STK3: variants seen among roughly 807,000 people sequenced by gnomAD.
The protein encoded by STK3 is serine/threonine-protein kinase 3.
STK3 carries 41 observed loss-of-function variants against 58.0 expected under a neutral mutation model. That is an observed-to-expected ratio of 0.71 (90% confidence interval 0.55 to 0.92). The LOEUF (loss-of-function observed/expected upper bound fraction) is 0.92, where lower values mean the gene tolerates loss of function less well. STK3 is among the 40% of genes least tolerant of loss of function. The probability of loss-of-function intolerance (pLI) is 0.00; values close to 1 mark genes in which losing one functional copy is unlikely to be tolerated. For missense variants in STK3, 479 were observed against 602.7 expected (o/e 0.79, Z 2.15); for synonymous variants, 170 against 191.0 (o/e 0.89, Z 0.91).
In STK3 at chr8:98,610,321, T is replaced by C. The variant is rs150952926; in HGVS notation, c.685-14152A>G. Among the ~76,000 whole-genome samples, 1,403 of 152,310 alleles carry C rather than the reference T, an allele frequency of 9.2e-3. 18 individuals carry two copies. Among genetic ancestry groups the C allele is most frequent in the African/African-American group, 0.032 (1,326 of 41,562 alleles). On this transcript the variant is annotated intron_variant, in intron 6 of 10. Coordinates refer to ENST00000419617, the MANE Select transcript of STK3 (RefSeq NM_006281.4). ...ATAAATTAATACTAGTCATTAGCAG[T>C]TTTTGTATCATCTGGTAAAAGAGTT...
At chr8:98,456,106 T>G in intron 10 of STK3, 106 bp from the exon 11 acceptor site, 1 of 1,123,978 alleles carries the variant, frequency 8.9e-7, no homozygotes, top group South Asian at 1.7e-5. Flanking sequence ...ACATAAATAT[T>G]TCAGCAAATT....
At chr8:98,893,207 G>T (rs1465430907) in intron 1 of STK3, among the ~76,000 whole-genome samples, 1 of 151,770 alleles carries the variant, frequency 6.6e-6, no homozygotes, top group Non-Finnish European at 1.5e-5. Flanking sequence ...TGGCCAAAAT[G>T]ATGAAACCCT....
intron 6 of STK3, among the ~76,000 whole-genome samples, chr8:98,700,611 T>C (rs1825502926): frequency 6.6e-6 from 1 of 152,232 alleles, no homozygotes. Flanking sequence ...TGCCTCCAAT[T>C]ATCTCCTTAA....
chr8:98,352,489 C>T, the STK3 span, among the ~76,000 whole-genome samples: 69,556 of 151,914 alleles, frequency 0.46, 16,512 homozygotes, highest in African/African-American at 0.58. Context: ...AAGTGAATGA[C>T]GATGGCATTG....
At chr8:98,401,690 C>G in intron 3 of STK3, among the ~76,000 whole-genome samples, 1 of 152,252 alleles carries the variant, frequency 6.6e-6, no homozygotes, top group Middle Eastern at 3.4e-3. Context: ...ATTATGTTGC[C>G]GACCACATGG....
chr8:98,738,502 A>G (rs941745646), intron 4 of STK3, among the ~76,000 whole-genome samples: 30 of 152,040 alleles, frequency 2.0e-4, no homozygotes, highest in African/African-American at 7.2e-4. Context: ...AAATAAATAA[A>G]TAAATAAAAC....
At chr8:98,788,579 A>G (rs1219625771) in intron 1 of STK3, among the ~76,000 whole-genome samples, 2 of 152,228 alleles carry the variant, frequency 1.3e-5, no homozygotes, top group Non-Finnish European at 2.9e-5. Context: ...AAAGGGGTGG[A>G]AAAAGACATT....
At chr8:98,366,483 G>A (rs1031033976), downstream of STK3, among the ~76,000 whole-genome samples, 2 of 152,042 alleles carry the variant, frequency 1.3e-5, no homozygotes, top group African/African-American at 4.8e-5. Flanking sequence ...ACATTCTCTT[G>A]AGCATTTAGG....
At chr8:98,741,313 C>CA (rs1488592098) in intron 4 of STK3, among the ~76,000 whole-genome samples, 3 of 152,178 alleles carry the variant, frequency 2.0e-5, no homozygotes, top group Admixed American at 6.5e-5. Flanking sequence ...CACCACACCA[C>CA]ACCTGTTCCA....
chr8:98,777,227 T>C (rs985757256), intron 1 of STK3, among the ~76,000 whole-genome samples: 6 of 151,860 alleles, frequency 4.0e-5, no homozygotes, highest in African/African-American at 1.5e-4. Context: ...CATTGACCAA[T>C]GGTAAAATAG....
At chr8:98,718,813 T>A (rs1230074653) in intron 4 of STK3, among the ~76,000 whole-genome samples, 4 of 152,154 alleles carry the variant, frequency 2.6e-5, no homozygotes, top group African/African-American at 9.7e-5. Flanking sequence ...TGTGATACAT[T>A]ATGAAAGTTA....
At chr8:98,404,610 G>T (rs1415690069) in intron 3 of STK3, among the ~76,000 whole-genome samples, 1 of 151,022 alleles carries the variant, frequency 6.6e-6, no homozygotes, top group Non-Finnish European at 1.5e-5. Context: ...AACCCGGGAG[G>T]CGGAGCTTGC....
chr8:98,714,157 A>C (rs990153821), intron 4 of STK3, among the ~76,000 whole-genome samples: 33 of 152,210 alleles, frequency 2.2e-4, no homozygotes, highest in African/African-American at 7.7e-4. Flanking sequence ...TCTATGACAA[A>C]CCCACAGCCA....
At chr8:98,492,263 A>G (rs545038960) in intron 10 of STK3, among the ~76,000 whole-genome samples, 1 of 152,360 alleles carries the variant, frequency 6.6e-6, no homozygotes, top group South Asian at 2.1e-4. Context: ...GTAAAAACAA[A>G]GCAAGCAGTA....
At chr8:98,818,017 C>T (rs1834662072) in intron 1 of STK3, among the ~76,000 whole-genome samples, 1 of 152,200 alleles carries the variant, frequency 6.6e-6, no homozygotes, top group Admixed American at 6.5e-5. Context: ...CTTCTCCAAT[C>T]CAGGCACACT....
chr8:98,855,928 G>A (rs1466913851), intron 3 of STK3, among the ~76,000 whole-genome samples: 2 of 152,080 alleles, frequency 1.3e-5, no homozygotes, highest in Admixed American at 1.3e-4. Flanking sequence ...AGGCCGAGGT[G>A]GGTGGATCAC....
At chr8:98,599,881 T>C (rs1023441762) in intron 6 of STK3, among the ~76,000 whole-genome samples, 10 of 151,964 alleles carry the variant, frequency 6.6e-5, no homozygotes, top group South Asian at 4.2e-4. Context: ...TGAGGCAGAA[T>C]TGCTTGAACC....
chr8:98,719,461 T>G (rs894118279), intron 4 of STK3, among the ~76,000 whole-genome samples: 1 of 152,176 alleles, frequency 6.6e-6, no homozygotes, highest in Non-Finnish European at 1.5e-5. Context: ...ATAAACTGAC[T>G]GTACTTCAGG....
chr8:98,525,960 A>G (rs1410689442), intron 10 of STK3, among the ~76,000 whole-genome samples: 1 of 151,880 alleles, frequency 6.6e-6, no homozygotes, highest in Admixed American at 6.6e-5. Context: ...ATAAAACTAT[A>G]AAGGATTATA....
Sources: gnomAD v4.1 joint callset for allele counts (sites outside exome capture counted in the v4.1 genomes callset) on GRCh38, gnomAD v4.1.1 for gene constraint, MANE v1.5 for transcripts, NCBI Gene and HGNC (gene_info 2026-07-23, HGNC 2026-07-21) for gene names.